The following EGF variants were observed in gnomAD, a reference collection of about 807,000 sequenced individuals.
EGF encodes the protein pro-epidermal growth factor.
EGF carries 95 observed loss-of-function variants against 143.8 expected under a neutral mutation model. The observed-to-expected ratio is 0.66, with a 90% CI of 0.56 to 0.78. The LOEUF (loss-of-function observed/expected upper bound fraction) is 0.78, where lower values mean the gene tolerates loss of function less well. Ranked by LOEUF, EGF falls within the 30% of genes least tolerant of loss-of-function variation. EGF has a pLI of 0.00. For missense variants in EGF, 1,320 were observed against 1,470.9 expected (o/e 0.90, Z 1.68); for synonymous variants, 510 against 510.5 (o/e 1.00, Z 0.01).
intron 10 of EGF, among the ~76,000 whole-genome samples, chr4:109,967,499 A>G (rs1210491639): frequency 1.3e-5 from 2 of 152,120 alleles, no homozygotes; most frequent in Non-Finnish European, 2.9e-5. Context: ...CTTTTTGCTT[A>G]GTATCGTCTG....
chr4:109,943,760 G>C (rs553251458), intron 3 of EGF, 82 bp from the exon 4 acceptor site: 1 of 1,183,670 alleles, frequency 8.4e-7, no homozygotes, highest in African/African-American at 1.5e-5. Flanking sequence ...CCCTGTGAAG[G>C]AGCTGCTGAA....
rs780570750 is a variant in EGF at position 110,013,635 on chromosome 4, C to A, written c.*2180C>A. Reference sequence around the variant, plus strand: ...GTTTTTTCCAGACTGAATACTTTTCCTCCCTAACTCTCATCGTCTCATTGC... The same window carrying A: ...GTTTTTTCCAGACTGAATACTTTTCATCCCTAACTCTCATCGTCTCATTGC... On this transcript the variant is annotated 3_prime_UTR_variant, in exon 24 of 24. Transcript: ENST00000265171. Among the ~76,000 whole-genome samples the A allele has an allele frequency of 2.6e-5, 4 of 151,980 alleles. No individual in the cohort carries two copies. In the East Asian group the frequency reaches 7.7e-4, roughly 29 times the overall value.
chr4:109,936,155 G>A (rs1257891921), intron 1 of EGF, among the ~76,000 whole-genome samples: 2 of 152,280 alleles, frequency 1.3e-5, no homozygotes, highest in South Asian at 2.1e-4. Flanking sequence ...GGTAGAATTC[G>A]ACTGTGAATC....
chr4:109,943,713 T>C, intron 3 of EGF, 129 bp from the exon 4 acceptor site: 1 of 854,936 alleles, frequency 1.2e-6, no homozygotes, highest in Admixed American at 2.0e-5. Flanking sequence ...CAGTGTTTAC[T>C]TGTTGAATAA....
intron 20 of EGF, among the ~76,000 whole-genome samples, chr4:109,997,303 G>T (rs1286595745): frequency 6.6e-6 from 1 of 152,070 alleles, no homozygotes; most frequent in Non-Finnish European, 1.5e-5. Context: ...GTATAGGGAG[G>T]TTCAGAATCT....
intron 22 of EGF, 54 bp downstream of exon 22, chr4:110,004,676 T>A (rs1036213767): frequency 2.0e-5 from 30 of 1,512,872 alleles, no homozygotes; most frequent in Non-Finnish European, 2.5e-5. Context: ...TAACCCCTAT[T>A]CATTTTTTCT....
chr4:110,013,046 A>G lies in EGF; in HGVS notation c.*1591A>G, dbSNP rs1257059728. Among the ~76,000 whole-genome samples the G allele has an allele frequency of 6.6e-6, 1 of 152,142 alleles. No individual in the cohort carries two copies. Among genetic ancestry groups the G allele is most frequent in the Non-Finnish European group, 1.5e-5 (1 of 68,016 alleles). The stretch of plus-strand genomic sequence containing the variant: ...GACTTGAGGTTTGTGGATATTAGTT[A>G]ATTATTCAGTATGATACCTCACCCA... On this transcript the variant is annotated 3_prime_UTR_variant, in exon 24 of 24. Coordinates refer to ENST00000265171, the MANE Select transcript of EGF (RefSeq NM_001963.6).
chr4:109,982,393 T>G lies in EGF; in HGVS notation c.2372-1029T>G, dbSNP rs1358420063. Among the ~76,000 whole-genome samples the G allele has an allele frequency of 2.0e-5, 3 of 152,026 alleles. No individual in the cohort carries two copies. In the East Asian group the frequency reaches 5.8e-4, roughly 29 times the overall value. ...CCCAGGCTGGAGTGCAGTGGCAAGA[T>G]CTCAGCTCACTGCAACCTCTGCCTC... On this transcript the variant is annotated intron_variant, in intron 15 of 23. Transcript: ENST00000265171.
intron 1 of EGF, among the ~76,000 whole-genome samples, chr4:109,937,795 A>G (rs968363472): frequency 3.9e-5 from 6 of 152,184 alleles, no homozygotes; most frequent in Non-Finnish European, 8.8e-5. Context: ...TGGATATGAA[A>G]TTTTGGGTTG....
intron 21 of EGF, 44 bp downstream of exon 21, chr4:109,999,890 C>A (rs1462742878): frequency 1.2e-6 from 2 of 1,611,208 alleles, no homozygotes; most frequent in East Asian, 4.5e-5. Flanking sequence ...CTTTCTAAGA[C>A]CTCCCAGGGG....
intron 22 of EGF, among the ~76,000 whole-genome samples, chr4:110,007,828 G>A (rs1753512259): frequency 1.3e-5 from 2 of 152,206 alleles, no homozygotes; most frequent in South Asian, 4.1e-4. Flanking sequence ...GCAGTTCTTA[G>A]AATACTTATG....
intron 1 of EGF, among the ~76,000 whole-genome samples, chr4:109,932,383 T>TATATATATAAA: frequency 1.2e-5 from 1 of 86,696 alleles, no homozygotes; most frequent in East Asian, 4.7e-4. Context: ...ATATAAATTT[T>TATATATATAAA]TTTTTTTTTT....
Position 109,922,402 on chromosome 4 carries a change from C to G in EGF, c.127+8940C>G, listed in dbSNP as rs527884613. Among the ~76,000 whole-genome samples the G allele has an allele frequency of 1.4e-4, 21 of 151,764 alleles. 3 individuals are homozygous for G. The highest frequency in any genetic ancestry group is 5.1e-4 in the African/African-American group (21 of 41,050). Reference sequence around the variant, plus strand: ...CACCTACCTACAAGAGGATAAGTGACTGTCTTTCAATACTGACATGTTGTC... The same window carrying G: ...CACCTACCTACAAGAGGATAAGTGAGTGTCTTTCAATACTGACATGTTGTC... On this transcript the variant is annotated intron_variant, in intron 1 of 23. Coordinates refer to ENST00000265171, the MANE Select transcript of EGF (RefSeq NM_001963.6).
chr4:109,945,029 A>G (rs1281979683), intron 4 of EGF, 44 bp from the exon 5 acceptor site: 1 of 1,594,170 alleles, frequency 6.3e-7, no homozygotes, highest in Admixed American at 1.7e-5. Context: ...AAGACAAGGA[A>G]CAAATGTTCT....
intron 5 of EGF, among the ~76,000 whole-genome samples, chr4:109,957,217 T>A (rs1744933639): frequency 6.6e-6 from 1 of 152,190 alleles, no homozygotes; most frequent in Non-Finnish European, 1.5e-5. Flanking sequence ...CAAACCAAAA[T>A]GAAGTCACTC....
chr4:109,998,808 G>A (rs1752166471), intron 20 of EGF, among the ~76,000 whole-genome samples: 1 of 152,238 alleles, frequency 6.6e-6, no homozygotes, highest in South Asian at 2.1e-4. Context: ...TGAATAAATA[G>A]TTGATCCAGG....
Position 110,003,563 on chromosome 4 carries a change from G to A in EGF, c.3174-942G>A, listed in dbSNP as rs1215264657. Among the ~76,000 whole-genome samples, 4 of 152,256 alleles carry A rather than the reference G, an allele frequency of 2.6e-5. No individual in the cohort carries two copies. The East Asian group carries it at 5.8e-4, about 22-fold the overall frequency. ...GAACGTCCAGGTAGGGCTTTTGACA[G>A]AGGGTTGCATTCCTAGAGGCAATTA... On this transcript the variant is annotated intron_variant, in intron 21 of 23. Transcript: ENST00000265171.
chr4:109,972,256 A>C (rs1747777437), intron 11 of EGF, among the ~76,000 whole-genome samples: 1 of 152,140 alleles, frequency 6.6e-6, no homozygotes, highest in Non-Finnish European at 1.5e-5. Context: ...CCAACACTGG[A>C]GTTTGAGATT....
At chr4:109,924,737 A>T (rs901033733) in intron 1 of EGF, among the ~76,000 whole-genome samples, 2 of 152,226 alleles carry the variant, frequency 1.3e-5, no homozygotes, top group African/African-American at 4.8e-5. Context: ...TAATGAGGAA[A>T]GGGCAGTCTT....
Sources: allele counts gnomAD v4.1 joint callset (sites outside exome capture counted in the v4.1 genomes callset), GRCh38; gene constraint gnomAD v4.1.1; transcripts MANE v1.5; gene names NCBI Gene and HGNC (gene_info 2026-07-23, HGNC 2026-07-21).